Variants in ANTXRL observed in about 807,000 individuals in gnomAD.
ANTXRL encodes ANTXR like.
ANTXRL carries 63 observed loss-of-function variants against 75.4 expected under a neutral mutation model. The ratio of observed to expected loss-of-function variants is 0.84; its 90% CI spans 0.68 to 1.03. ANTXRL has a LOEUF of 1.03. Among genes scored for constraint, ANTXRL ranks in the 50% least tolerant of loss-of-function variants. ANTXRL has a pLI of 0.00. For synonymous variants in ANTXRL, 335 were observed against 291.3 expected, an observed-to-expected ratio of 1.15 and a Z score of -1.53; for missense variants, 797 against 789.4, an observed-to-expected ratio of 1.01 and a Z score of -0.12.
rs1349009933 is a variant in ANTXRL at position 46,302,766 on chromosome 10, A to G, written c.841A>G (p.Lys281Glu). 6.5e-7 allele frequency: 1 copy of G among 1,536,382 alleles called. No homozygotes were observed. The highest frequency in any genetic ancestry group is 1.4e-5 in the African/African-American group (1 of 73,114). The part of the protein sequence containing the change: ...VIHGNGFQNL[K>E]KRDEVICRFI... ...TCATGGAAATGGCTTTCAGAATCTA[A>G]AGAAACGGGATGAAGTTATTTGCAG... The change falls in exon 10 of 17, where the codon AAG (lysine) becomes GAG (glutamate). Residue 281 changes from lysine to glutamate, a missense_variant. Transcript: ENST00000620264.
Position 46,287,497 on chromosome 10 carries a change from T to G in ANTXRL, c.235T>G (p.Phe79Val). 6 of 1,535,488 alleles carry G rather than the reference T, an allele frequency of 3.9e-6. No homozygotes were observed. Among genetic ancestry groups the G allele is most frequent in the Non-Finnish European group, 5.2e-6 (6 of 1,146,576 alleles). ...HRCQGSFDLY[F>V]ILDKSGSVNN... is the part of the protein sequence containing the mutation. ...ATGCCAGGGCTCATTTGACCTCTAC[T>G]TCATCTTGGACAAGTGAGTGTCCCT... Residue 79 changes from phenylalanine to valine, a missense_variant, in exon 1 of 17, where the codon TTC (phenylalanine) becomes GTC (valine). This residue lies in a region of ANTXRL where 262 missense variants were observed against 271.9 expected (regional missense o/e 0.96). Coordinates refer to ENST00000620264, the MANE Select transcript of ANTXRL (RefSeq NM_001278688.3).
Position 46,292,092 on chromosome 10 carries a change from T to C in ANTXRL, c.283T>C (p.Tyr95His). Reference sequence around the variant, plus strand: ...CGTGAACAATAACTGGATTGACCTTTATATGTGGGTGGAGGAAACAGTGGC... The same window carrying C: ...CGTGAACAATAACTGGATTGACCTTCATATGTGGGTGGAGGAAACAGTGGC... ...GSVNNNWIDL[Y>H]MWVEETVARF... The change falls in exon 2 of 17, where the codon TAT (tyrosine) becomes CAT (histidine). Residue 95 changes from tyrosine (Y) to histidine (H), a missense_variant. Physicochemically the swap from Tyr to His is moderately conservative, Grantham distance 83. Transcript: ENST00000620264. The C allele has an allele frequency of 6.5e-7, 1 of 1,536,302 alleles. No homozygotes were observed. The highest frequency in any genetic ancestry group is 8.7e-7 in the Non-Finnish European group (1 of 1,146,826).
In ANTXRL at chr10:46,297,389, T is replaced by C; in HGVS notation, c.586-17T>C. ...ATGTATTTTGATGACCAATATGCAA[T>C]GCCTTCTTTCCCTTAGGCTCAAAAG... On this transcript the variant is annotated splice_polypyrimidine_tract_variant and intron_variant, in intron 6 of 16. Coordinates refer to ENST00000620264, the MANE Select transcript of ANTXRL (RefSeq NM_001278688.3). The C allele has an allele frequency of 4.6e-6, 7 of 1,536,126 alleles. No homozygotes were observed. Among genetic ancestry groups the C allele is most frequent in the Non-Finnish European group, 6.1e-6 (7 of 1,146,784 alleles).
intron 9 of ANTXRL, among the ~76,000 whole-genome samples, chr10:46,300,254 A>G (rs1837639371): frequency 6.6e-6 from 1 of 152,156 alleles, no homozygotes; most frequent in African/African-American, 2.4e-5. Context: ...GGTGACAGTC[A>G]CAGGAGGGAA....
intron 16 of ANTXRL, among the ~76,000 whole-genome samples, chr10:46,319,529 A>G (rs2132880656): frequency 6.6e-6 from 1 of 152,276 alleles, no homozygotes; most frequent in African/African-American, 2.4e-5. Flanking sequence ...ACCCAAATCA[A>G]TCAAGTCAAG....
intron 16 of ANTXRL, 119 bp from the exon 17 acceptor site, chr10:46,329,480 G>C: frequency 7.6e-7 from 1 of 1,322,604 alleles, no homozygotes; most frequent in Non-Finnish European, 1.0e-6. Flanking sequence ...GCACAGCAAG[G>C]CCCACCCTGT....
At chr10:46,297,053 C>A (rs1554958965) in intron 5 of ANTXRL, among the ~76,000 whole-genome samples, 199 bp from the exon 6 acceptor site, 1 of 152,132 alleles carries the variant, frequency 6.6e-6, no homozygotes, top group Middle Eastern at 3.2e-3. Flanking sequence ...TGGGCTGAGA[C>A]CTCCCTGACT....
chr10:46,321,047 G>A (rs565639710), intron 16 of ANTXRL, among the ~76,000 whole-genome samples: 147 of 152,292 alleles, frequency 9.7e-4, no homozygotes, highest in African/African-American at 3.4e-3. Context: ...AAAGAAAGTA[G>A]CAATTATGTT....
At chr10:46,290,288 G>A (rs1398958054) in intron 1 of ANTXRL, among the ~76,000 whole-genome samples, 2 of 152,204 alleles carry the variant, frequency 1.3e-5, no homozygotes, top group South Asian at 2.1e-4. Flanking sequence ...GTGATTCCCC[G>A]GCCTTGGCCT....
Position 46,313,223 on chromosome 10 carries a change from C to T in ANTXRL, c.1330-13C>T, listed in dbSNP as rs1341328053. 5.1e-5 allele frequency: 78 copies of T among 1,535,344 alleles called. No individual in the cohort carries two copies. Among genetic ancestry groups the T allele is most frequent in the Non-Finnish European group, 6.2e-5 (71 of 1,146,408 alleles). ...AAGCTGCATGTCTTCCTCATGGCCA[C>T]GTTGCTTTTCAGGGCAATCTGGATA... On this transcript the variant is annotated splice_polypyrimidine_tract_variant and intron_variant, in intron 15 of 16. Coordinates refer to ENST00000620264, the MANE Select transcript of ANTXRL (RefSeq NM_001278688.3).
At chr10:46,305,302 T>C (rs1194962911) in intron 10 of ANTXRL, among the ~76,000 whole-genome samples, 13 of 152,178 alleles carry the variant, frequency 8.5e-5, no homozygotes, top group African/African-American at 3.1e-4. Context: ...CTGGATGCAA[T>C]TTTTGACAAC....
chr10:46,304,837 T>A (rs1554961434), intron 10 of ANTXRL, among the ~76,000 whole-genome samples: 1 of 151,770 alleles, frequency 6.6e-6, no homozygotes, highest in Non-Finnish European at 1.5e-5. Context: ...GGAAAGGGGG[T>A]ACCCAGCCTA....
At chr10:46,311,842 G>A (rs1486703884) in intron 15 of ANTXRL, among the ~76,000 whole-genome samples, 177 bp downstream of exon 15, 1 of 152,152 alleles carries the variant, frequency 6.6e-6, no homozygotes, top group East Asian at 1.9e-4. Flanking sequence ...TCGTGCCCCA[G>A]TGGCAGGCAT....
intron 16 of ANTXRL, among the ~76,000 whole-genome samples, chr10:46,323,290 A>G (rs1468243624): frequency 6.6e-6 from 1 of 152,170 alleles, no homozygotes; most frequent in Non-Finnish European, 1.5e-5. Flanking sequence ...CCTATGAACA[A>G]AAAAATAATA....
At chr10:46,299,590 C>A (rs1290524205) in intron 9 of ANTXRL, among the ~76,000 whole-genome samples, 4 of 152,178 alleles carry the variant, frequency 2.6e-5, no homozygotes, top group African/African-American at 9.7e-5. Context: ...AGGCATCCAG[C>A]AGCTGGGCTC....
Position 46,306,838 on chromosome 10 carries a change from A to C in ANTXRL, c.931A>C (p.Asn311His), listed in dbSNP as rs1838121666. ...KPTSIDNNSM[N>H]CPGPKLEKPG... The stretch of plus-strand genomic sequence containing the variant: ...AACCAGTATCGACAATAATTCCATG[A>C]ATTGCCCTGGGCCAAAACTAGAAAA... Residue 311 changes from asparagine (N) to histidine (H), a missense_variant, in exon 11 of 17, where the codon AAT becomes CAT. By Grantham distance (68) the Asn-to-His change is moderately conservative. Around this residue, in one of 3 missense-constraint regions of ANTXRL, gnomAD observed 479 missense variants for 422.0 expected, o/e 1.14. Transcript: ENST00000620264. 2 of 1,530,560 alleles carry C rather than the reference A, an allele frequency of 1.3e-6. No homozygotes were observed. 94.8% of individuals were successfully genotyped at this position (1,530,560 alleles called of 1,614,324 possible).
intron 11 of ANTXRL, 22 bp from the exon 12 acceptor site, chr10:46,307,380 A>T: frequency 6.6e-7 from 1 of 1,516,264 alleles, no homozygotes. Context: ...GGCTCTCACC[A>T]TCTGCATTTT....
chr10:46,311,755 C>T (rs1838441205), intron 15 of ANTXRL, 90 bp downstream of exon 15: 3 of 601,806 alleles, frequency 5.0e-6, no homozygotes, highest in Admixed American at 3.0e-5. Context: ...AGACCTGGGC[C>T]CTGGAGGAAG....
intron 9 of ANTXRL, among the ~76,000 whole-genome samples, chr10:46,299,540 C>A (rs1554959929): frequency 1.3e-5 from 2 of 152,098 alleles, no homozygotes; most frequent in African/African-American, 2.4e-5. Context: ...GTCCTCCCTT[C>A]ATCACGAGAG....
Sources: gnomAD v4.1 joint callset for allele counts (sites outside exome capture counted in the v4.1 genomes callset) on GRCh38, gnomAD v4.1.1 for gene constraint, gnomAD v4.1.1 regional missense constraint, MANE v1.5 for transcripts, NCBI Gene and HGNC (gene_info 2026-07-23, HGNC 2026-07-21) for gene names.